RBFOX1: variants seen among roughly 807,000 people sequenced by gnomAD.
RBFOX1 encodes the protein RNA binding protein fox-1 homolog 1.
Under a neutral mutation model 57.7 loss-of-function variants are expected in RBFOX1, and 8 were observed. The observed-to-expected ratio is 0.14, with a 90% CI of 0.08 to 0.25. The LOEUF (loss-of-function observed/expected upper bound fraction) is 0.25. Among genes scored for constraint, RBFOX1 ranks in the 10% least tolerant of loss-of-function variants. The pLI is 1.00. For missense variants in RBFOX1, 611 were observed against 548.5 expected (o/e 1.11, Z -1.14); for synonymous variants, 326 against 222.4 (o/e 1.47, Z -4.15).
intron 14 of RBFOX1, among the ~76,000 whole-genome samples, chr16:7,684,564 C>T (rs1006437515): frequency 9.9e-5 from 15 of 151,830 alleles, no homozygotes; most frequent in African/African-American, 2.9e-4. Context: ...TAGAAATATG[C>T]CACACATATG....
intron 2 of RBFOX1, among the ~76,000 whole-genome samples, chr16:5,503,758 A>C (rs987153156): frequency 2.0e-5 from 3 of 152,090 alleles, no homozygotes; most frequent in Admixed American, 6.5e-5. Flanking sequence ...CAATGGTTTT[A>C]AGTATATTCA....
intron 2 of RBFOX1, among the ~76,000 whole-genome samples, chr16:6,321,290 A>G (rs2081759318): frequency 6.6e-6 from 1 of 152,070 alleles, no homozygotes; most frequent in South Asian, 2.1e-4. Flanking sequence ...CTGATACTGT[A>G]TTGTTGTATG....
At chr16:5,637,471 T>G (rs2048719822) in intron 3 of RBFOX1, among the ~76,000 whole-genome samples, 1 of 152,196 alleles carries the variant, frequency 6.6e-6, no homozygotes, top group Admixed American at 6.5e-5. Context: ...AACCTCCTCA[T>G]AGGGTTGTTG....
chr16:6,967,993 G>A (rs1481210594), intron 3 of RBFOX1, among the ~76,000 whole-genome samples: 2 of 152,192 alleles, frequency 1.3e-5, no homozygotes, highest in East Asian at 3.9e-4. Flanking sequence ...GCTGATGACA[G>A]CGGGAAGGTG....
intron 3 of RBFOX1, among the ~76,000 whole-genome samples, chr16:6,879,389 T>G (rs1392343292): frequency 6.6e-6 from 1 of 152,210 alleles, no homozygotes; most frequent in African/African-American, 2.4e-5. Flanking sequence ...CTGTTTATAT[T>G]TATTGGATGC....
chr16:6,367,012 T>C (rs1050205711), intron 2 of RBFOX1, among the ~76,000 whole-genome samples: 3 of 152,236 alleles, frequency 2.0e-5, no homozygotes, highest in Non-Finnish European at 4.4e-5. Flanking sequence ...GTCTTCCTTA[T>C]GCTGCCCATT....
At chr16:5,639,890 A>G (rs369526954) in intron 3 of RBFOX1, among the ~76,000 whole-genome samples, 1 of 152,134 alleles carries the variant, frequency 6.6e-6, no homozygotes, top group Non-Finnish European at 1.5e-5. Context: ...GTTATGAGCT[A>G]TTTTCTGCTA....
At chr16:5,781,883 C>T (rs149379310) in intron 3 of RBFOX1, among the ~76,000 whole-genome samples, 339 of 152,288 alleles carry the variant, frequency 2.2e-3, no homozygotes, top group Middle Eastern at 3.4e-3. Context: ...GCTGCTATAA[C>T]GAAATGCCTG....
In RBFOX1 at chr16:5,422,608, TGA is replaced by T. The variant is rs1223924779; in HGVS notation, c.220-44604_220-44603del. ...GAGGAAGCGAGGACAGGAGGAAGAG[TGA>T]GAGGGTGGAGGGACAGGGAGGAGGA... is the stretch of plus-strand genomic sequence containing the variant. On this transcript the variant is annotated intron_variant, in intron 1 of 2. Coordinates refer to the RBFOX1 transcript ENST00000585867. Among the ~76,000 whole-genome samples the T allele has an allele frequency of 6.1e-4, 17 of 27,804 alleles. 1 individual carries two copies. Among genetic ancestry groups the T allele is most frequent in the Non-Finnish European group, 2.7e-4 (4 of 14,734 alleles). The allele number at this position is 27,804 out of a possible 152,430, so 18.2% of individuals were successfully genotyped here.
At chr16:5,695,293 C>T (rs1312556458) in intron 3 of RBFOX1, among the ~76,000 whole-genome samples, 1 of 152,094 alleles carries the variant, frequency 6.6e-6, no homozygotes, top group Non-Finnish European at 1.5e-5. Flanking sequence ...CATCATCCAA[C>T]TCAATAATCA....
At chr16:6,368,314 C>A (rs2089960610) in intron 2 of RBFOX1, among the ~76,000 whole-genome samples, 1 of 152,176 alleles carries the variant, frequency 6.6e-6, no homozygotes, top group Non-Finnish European at 1.5e-5. Flanking sequence ...TGCCCCAAAC[C>A]CCAGGAATCT....
At chr16:5,325,676 C>A (rs1056752578) in intron 1 of RBFOX1, among the ~76,000 whole-genome samples, 4 of 152,124 alleles carry the variant, frequency 2.6e-5, no homozygotes, top group South Asian at 2.1e-4. Context: ...ATAAATGAAA[C>A]CATGTAGTAT....
intron 3 of RBFOX1, among the ~76,000 whole-genome samples, chr16:6,889,368 C>G (rs531637192): frequency 9.3e-4 from 142 of 152,256 alleles, no homozygotes; most frequent in African/African-American, 3.4e-3. Flanking sequence ...CTCTCTTTTC[C>G]CTCTGCAGTA....
chr16:7,324,098 C>T (rs1035270115), intron 4 of RBFOX1, among the ~76,000 whole-genome samples: 13 of 152,032 alleles, frequency 8.6e-5, no homozygotes, highest in Admixed American at 2.0e-4. Flanking sequence ...TCATGAATTC[C>T]CAAGAGGAAG....
At chr16:6,394,893 C>G (rs2092758759) in intron 2 of RBFOX1, among the ~76,000 whole-genome samples, 1 of 152,166 alleles carries the variant, frequency 6.6e-6, no homozygotes, top group Non-Finnish European at 1.5e-5. Context: ...GGTGAGAAAA[C>G]TAGCACTATT....
chr16:5,389,923 C>T (rs1366248674), intron 1 of RBFOX1, among the ~76,000 whole-genome samples: 3 of 152,070 alleles, frequency 2.0e-5, no homozygotes, highest in African/African-American at 7.2e-5. Context: ...GTCTTGAACT[C>T]CTGACCTTCA....
chr16:5,306,070 G>A (rs1229783486), intron 1 of RBFOX1, among the ~76,000 whole-genome samples: 1 of 131,218 alleles, frequency 7.6e-6, no homozygotes, highest in African/African-American at 2.4e-5. Flanking sequence ...GCATGGTGGA[G>A]TGCACTGGGA....
intron 4 of RBFOX1, among the ~76,000 whole-genome samples, chr16:5,975,520 G>C (rs2060044625): frequency 6.6e-6 from 1 of 152,236 alleles, no homozygotes; most frequent in Admixed American, 6.5e-5. Context: ...TGAAACTTTA[G>C]GGTCCAGATT....
At chr16:5,729,638 A>G (rs993003541) in intron 3 of RBFOX1, among the ~76,000 whole-genome samples, 2 of 152,048 alleles carry the variant, frequency 1.3e-5, no homozygotes, top group Non-Finnish European at 2.9e-5. Context: ...CTCTTCCACT[A>G]AAGGTCTCAA....
Sources: gnomAD v4.1 joint callset for allele counts (sites outside exome capture counted in the v4.1 genomes callset) on GRCh38, gnomAD v4.1.1 for gene constraint, MANE v1.5 for transcripts, NCBI Gene and HGNC (gene_info 2026-07-23, HGNC 2026-07-21) for gene names.